MGAT4C: variants seen among roughly 807,000 people sequenced by gnomAD.
The protein encoded by MGAT4C is alpha-1,3-mannosyl-glycoprotein 4-beta-N-acetylglucosaminyltransferase C.
In MGAT4C, 19 loss-of-function variants were observed where a neutral mutation model predicts 40.1. The observed-to-expected ratio is 0.47, with a 90% confidence interval of 0.33 to 0.70. MGAT4C has a LOEUF of 0.70. Among genes scored for constraint, MGAT4C ranks in the 30% least tolerant of loss-of-function variants. MGAT4C has a pLI of 0.02. For synonymous variants in MGAT4C, 181 were observed against 187.1 expected, an observed-to-expected ratio of 0.97 and a Z score of 0.27; for missense variants, 491 against 563.2, an observed-to-expected ratio of 0.87 and a Z score of 1.30.
At position 85,958,577 on chromosome 12, in the gene MGAT4C, A is replaced by G. The variant is rs1307522814; in HGVS notation, c.*20712T>C. On this transcript the variant is annotated 3_prime_UTR_variant, in exon 5 of 5. Transcript: ENST00000611864. ...AATTATTGATATTTTTAAACTAACT[A>G]GAAAGCACCAAGTTATTTGTTAAAT... 6.6e-6 allele frequency: 1 copy of G among 152,144 alleles called. No homozygotes were observed. Among genetic ancestry groups the G allele is most frequent in the Non-Finnish European group, 1.5e-5 (1 of 68,018 alleles). The allele number at this position is 152,144 out of a possible 1,614,324, so 9.4% of individuals were successfully genotyped here. A position where few individuals can be genotyped will look rare whatever the true frequency, so the allele number is the denominator to read the frequency against.
chr12:86,552,038 A>C (rs1033255293), intron 2 of MGAT4C, among the ~76,000 whole-genome samples: 6 of 151,524 alleles, frequency 4.0e-5, no homozygotes, highest in African/African-American at 9.7e-5. Context: ...AAAAAAAAAA[A>C]AAAACCAAAA....
At chr12:85,984,688 T>C (rs533368419) in intron 3 of MGAT4C, among the ~76,000 whole-genome samples, 5 of 152,324 alleles carry the variant, frequency 3.3e-5, no homozygotes, top group South Asian at 2.1e-4. Context: ...GTAGAATACA[T>C]TTGAGAACAA....
chr12:86,125,717 A>T (rs1051666377), intron 1 of MGAT4C, among the ~76,000 whole-genome samples: 1 of 152,202 alleles, frequency 6.6e-6, no homozygotes, highest in Non-Finnish European at 1.5e-5. Flanking sequence ...AGGACAAAAT[A>T]CCAAGAAATC....
At chr12:86,573,580 C>G (rs112812567) in intron 2 of MGAT4C, among the ~76,000 whole-genome samples, 2 of 151,976 alleles carry the variant, frequency 1.3e-5, no homozygotes, top group East Asian at 3.9e-4. Context: ...CCAACATCAC[C>G]ACCATTACCA....
At chr12:86,529,228 T>C (rs1308259695) in intron 2 of MGAT4C, among the ~76,000 whole-genome samples, 2 of 152,116 alleles carry the variant, frequency 1.3e-5, no homozygotes, top group African/African-American at 4.8e-5. Flanking sequence ...GCGAGAAGTA[T>C]CTCCACTCAT....
intron 2 of MGAT4C, among the ~76,000 whole-genome samples, chr12:86,692,752 C>T (rs1472783670): frequency 1.3e-5 from 2 of 152,124 alleles, no homozygotes; most frequent in Non-Finnish European, 2.9e-5. Flanking sequence ...CCTATACAGT[C>T]TTGGTTTATG....
chr12:86,096,254 T>C (rs954699951), intron 1 of MGAT4C, among the ~76,000 whole-genome samples: 1 of 151,814 alleles, frequency 6.6e-6, no homozygotes, highest in Non-Finnish European at 1.5e-5. Context: ...CTGGCCATTA[T>C]AGGTCACATA....
intron 2 of MGAT4C, among the ~76,000 whole-genome samples, chr12:86,721,753 G>C (rs143116468): frequency 1.3e-5 from 2 of 152,172 alleles, no homozygotes; most frequent in South Asian, 4.2e-4. Flanking sequence ...TTTATATAAC[G>C]TAAGATTGAA....
chr12:86,688,541 G>A (rs1950115785), intron 2 of MGAT4C, among the ~76,000 whole-genome samples: 1 of 152,086 alleles, frequency 6.6e-6, no homozygotes. Context: ...GCTAGGCCTG[G>A]TGGCAACAAA....
chr12:85,972,935 G>A lies in MGAT4C; in HGVS notation c.*6354C>T, dbSNP rs923896698. 2 of 150,882 alleles carry A rather than the reference G, an allele frequency of 1.3e-5. No individual in the cohort carries two copies. The highest frequency in any genetic ancestry group is 6.6e-5 in the Admixed American group (1 of 15,102). The allele number at this position is 150,882 out of a possible 1,614,324, so 9.3% of individuals were successfully genotyped here. On this transcript the variant is annotated 3_prime_UTR_variant, in exon 5 of 5. Coordinates refer to ENST00000611864, the MANE Select transcript of MGAT4C (RefSeq NM_001351288.2). The stretch of plus-strand genomic sequence containing the variant: ...TGTCAAATAGTTAAACAAATGTGGG[G>A]TATTTTATGGAGAAAAGAGGCATGT...
upstream of MGAT4C, among the ~76,000 whole-genome samples, chr12:86,258,567 G>A (rs1006780104): frequency 2.0e-5 from 3 of 150,202 alleles, no homozygotes; most frequent in Non-Finnish European, 4.5e-5. Flanking sequence ...AGGTATCAAC[G>A]TATAGGCATT....
At position 85,969,859 on chromosome 12, in the gene MGAT4C, C is replaced by T. The variant is rs1418692395; in HGVS notation, c.*9430G>A. The T allele has an allele frequency of 6.6e-6, 1 of 151,290 alleles. No individual in the cohort carries two copies. The highest frequency in any genetic ancestry group is 1.5e-5 in the Non-Finnish European group (1 of 67,474). 9.4% of individuals were successfully genotyped at this position (151,290 alleles called of 1,614,324 possible). A position where few individuals can be genotyped will look rare whatever the true frequency, so the allele number is the denominator to read the frequency against. On this transcript the variant is annotated 3_prime_UTR_variant, in exon 5 of 5. Coordinates refer to ENST00000611864, the MANE Select transcript of MGAT4C (RefSeq NM_001351288.2). The stretch of plus-strand genomic sequence containing the variant: ...CATATGCTCTTTAGCTTTTTTAATA[C>T]CTCTTACCTTATATGGTTGTTTAAT...
intron 2 of MGAT4C, among the ~76,000 whole-genome samples, chr12:85,996,485 G>T (rs1004677650): frequency 6.6e-6 from 1 of 152,128 alleles, no homozygotes; most frequent in Non-Finnish European, 1.5e-5. Context: ...CATAAATGTT[G>T]TAAGGCATTA....
intron 2 of MGAT4C, among the ~76,000 whole-genome samples, chr12:86,456,114 C>T (rs773929727): frequency 2.0e-5 from 3 of 151,958 alleles, no homozygotes; most frequent in Non-Finnish European, 2.9e-5. Flanking sequence ...TACAAATAAA[C>T]GTTTGTTTTA....
At chr12:86,631,566 A>T (rs1419405082) in intron 2 of MGAT4C, among the ~76,000 whole-genome samples, 1 of 152,052 alleles carries the variant, frequency 6.6e-6, no homozygotes, top group African/African-American at 2.4e-5. Flanking sequence ...CATATAGACC[A>T]ATGGAACAGA....
At chr12:86,288,868 G>A (rs1328073118) in intron 4 of MGAT4C, among the ~76,000 whole-genome samples, 1 of 152,074 alleles carries the variant, frequency 6.6e-6, no homozygotes, top group Non-Finnish European at 1.5e-5. Flanking sequence ...GGTTGTCTGT[G>A]AACTTTGTTG....
rs188689157 is a variant in MGAT4C, at chr12:86,433,641, G to A, written c.-120+1516C>T. 1.3e-3 allele frequency among the ~76,000 whole-genome samples: 195 copies of A among 151,994 alleles called. 1 individual carries two copies. The highest frequency in any genetic ancestry group is 6.8e-3 in the Middle Eastern group (2 of 294). On this transcript the variant is annotated intron_variant, in intron 3 of 7. Transcript: ENST00000548651. ...GCTGTCTGTATTTCTTTCAGTGCAA[G>A]GTACACAGGTAAATATTTCAAATGG...
chr12:86,251,461 G>T (rs17359357), intron 1 of MGAT4C, among the ~76,000 whole-genome samples: 1 of 151,892 alleles, frequency 6.6e-6, no homozygotes, highest in Non-Finnish European at 1.5e-5. Context: ...ACAAGTGCAC[G>T]CAAACAAAAA....
In MGAT4C at chr12:85,977,150, C is replaced by A. The variant is rs1490618050; in HGVS notation, c.*2139G>T. ...CTACCCTCAGCAATGTTTCTTGAAA[C>A]ATTTTTAAGACATTGATAGACACCA... On this transcript the variant is annotated 3_prime_UTR_variant, in exon 5 of 5. Coordinates refer to ENST00000611864, the MANE Select transcript of MGAT4C (RefSeq NM_001351288.2). 4 of 151,246 alleles carry A rather than the reference C, an allele frequency of 2.6e-5. No homozygotes were observed. The highest frequency in any genetic ancestry group is 4.5e-5 in the Non-Finnish European group (3 of 67,378). The allele number at this position is 151,246 out of a possible 1,614,324, so 9.4% of individuals were successfully genotyped here. A position where few individuals can be genotyped will look rare whatever the true frequency, so the allele number is the denominator to read the frequency against.
Sources: allele counts gnomAD v4.1 joint callset (sites outside exome capture counted in the v4.1 genomes callset), GRCh38; gene constraint gnomAD v4.1.1; transcripts MANE v1.5; gene names NCBI Gene and HGNC (gene_info 2026-07-23, HGNC 2026-07-21).